The following CDKAL1 variants were observed in gnomAD, a reference collection of about 807,000 sequenced individuals.
CDKAL1 encodes the protein CDKAL1 threonylcarbamoyladenosine tRNA methylthiotransferase, also known as threonylcarbamoyladenosine tRNA methylthiotransferase.
Under a neutral mutation model 68.2 loss-of-function variants are expected in CDKAL1, and 32 were observed. The observed-to-expected ratio is 0.47, with a 90% CI of 0.35 to 0.63. The LOEUF (loss-of-function observed/expected upper bound fraction) is 0.63. Among genes scored for constraint, CDKAL1 ranks in the 30% least tolerant of loss-of-function variants. CDKAL1 has a pLI of 0.00. For synonymous variants in CDKAL1, 234 were observed against 244.3 expected (o/e 0.96, Z 0.39); for missense variants, 606 against 696.7 (o/e 0.87, Z 1.47).
chr6:21,125,408 C>G (rs897901474), intron 13 of CDKAL1, among the ~76,000 whole-genome samples: 5 of 152,162 alleles, frequency 3.3e-5, no homozygotes, highest in African/African-American at 1.2e-4. Flanking sequence ...CACAGTGGCT[C>G]ACACCTATAA....
intron 11 of CDKAL1, among the ~76,000 whole-genome samples, chr6:21,042,295 CCT>C (rs1769971770): frequency 1.3e-5 from 2 of 152,062 alleles, no homozygotes; most frequent in African/African-American, 4.8e-5. Flanking sequence ...ACCATTCACC[CCT>C]GTCTCTGCTT....
At chr6:20,680,199 T>G (rs1770312387) in intron 5 of CDKAL1, among the ~76,000 whole-genome samples, 1 of 152,142 alleles carries the variant, frequency 6.6e-6, no homozygotes, top group South Asian at 2.1e-4. Context: ...CCTGAATAGC[T>G]AGGATTACAG....
intron 12 of CDKAL1, among the ~76,000 whole-genome samples, chr6:21,089,947 G>A (rs1468888608): frequency 1.3e-5 from 2 of 152,240 alleles, no homozygotes; most frequent in Non-Finnish European, 2.9e-5. Flanking sequence ...CGTATGAGCT[G>A]AGATCATGGT....
At chr6:21,208,038 A>G (rs1779008368) in intron 15 of CDKAL1, among the ~76,000 whole-genome samples, 1 of 151,510 alleles carries the variant, frequency 6.6e-6, no homozygotes, top group African/African-American at 2.4e-5. Flanking sequence ...TTTAAAGAGA[A>G]TATTCTAGAA....
intron 10 of CDKAL1, among the ~76,000 whole-genome samples, chr6:20,981,526 A>G (rs1766145264): frequency 6.6e-6 from 1 of 152,142 alleles, no homozygotes; most frequent in Non-Finnish European, 1.5e-5. Flanking sequence ...GGCAATAGCA[A>G]TCATCTAAAC....
At chr6:20,696,809 C>A (rs1438158684) in intron 5 of CDKAL1, among the ~76,000 whole-genome samples, 1 of 152,124 alleles carries the variant, frequency 6.6e-6, no homozygotes, top group Admixed American at 6.6e-5. Context: ...CTGCTCATTT[C>A]TTTCCAGCTT....
chr6:21,159,797 C>A (rs1776823145), intron 13 of CDKAL1, among the ~76,000 whole-genome samples: 2 of 139,362 alleles, frequency 1.4e-5, no homozygotes, highest in South Asian at 2.4e-4. Context: ...CATAGGCTAG[C>A]CTTTTAAAAA....
intron 8 of CDKAL1, among the ~76,000 whole-genome samples, chr6:20,821,015 G>A (rs1380484710): frequency 6.6e-6 from 1 of 152,014 alleles, no homozygotes; most frequent in Non-Finnish European, 1.5e-5. Flanking sequence ...GGAAGTGAGG[G>A]AGAGAGCCAG....
intron 11 of CDKAL1, among the ~76,000 whole-genome samples, chr6:21,010,692 G>A (rs527900071): frequency 1.1e-4 from 17 of 152,246 alleles, no homozygotes; most frequent in South Asian, 4.1e-4. Flanking sequence ...CAGTAATATC[G>A]AAAAGGTGCC....
At chr6:21,057,405 CCT>C (rs981697529) in intron 11 of CDKAL1, among the ~76,000 whole-genome samples, 3 of 150,012 alleles carry the variant, frequency 2.0e-5, no homozygotes, top group Non-Finnish European at 4.4e-5. Flanking sequence ...ATTTGATTCT[CCT>C]CTCTTTTCTT....
At chr6:20,573,022 G>C (rs1422034284) in intron 4 of CDKAL1, among the ~76,000 whole-genome samples, 4 of 152,084 alleles carry the variant, frequency 2.6e-5, no homozygotes, top group African/African-American at 4.8e-5. Context: ...TGTAGTAATG[G>C]GGAAATTATA....
chr6:20,591,613 A>G (rs1765596931), intron 4 of CDKAL1, among the ~76,000 whole-genome samples: 1 of 152,132 alleles, frequency 6.6e-6, no homozygotes, highest in Non-Finnish European at 1.5e-5. Flanking sequence ...TCCCGACACC[A>G]TTTATTAAAT....
At chr6:20,542,645 T>C (rs78557916) in intron 2 of CDKAL1, among the ~76,000 whole-genome samples, 1,627 of 152,324 alleles carry the variant, frequency 0.011, 9 homozygotes, top group Non-Finnish European at 0.017. Flanking sequence ...GTAAAACTTA[T>C]GCAGAGATCC....
chr6:20,934,231 C>CT (rs1280173837), intron 9 of CDKAL1, among the ~76,000 whole-genome samples: 2 of 152,076 alleles, frequency 1.3e-5, no homozygotes, highest in African/African-American at 4.8e-5. Context: ...TTCATCTACT[C>CT]TAAGTGGAAG....
At position 20,999,201 on chromosome 6, in the gene CDKAL1, G is replaced by A. The variant is rs554062544; in HGVS notation, c.910-1026G>A. 3.3e-5 allele frequency among the ~76,000 whole-genome samples: 5 copies of A among 152,264 alleles called. No homozygotes were observed. The East Asian group carries it at 9.6e-4, about 29-fold the overall frequency. ...ATTCACTACTGGACTCTGAAAGGCC[G>A]TATGTGCCTGCTGTCTCTTTCTTTT... On this transcript the variant is annotated intron_variant, in intron 10 of 15. Coordinates refer to ENST00000274695, the MANE Select transcript of CDKAL1 (RefSeq NM_017774.3).
chr6:21,201,045 T>G, intron 14 of CDKAL1, 65 bp from the exon 15 acceptor site: 1 of 1,423,520 alleles, frequency 7.0e-7, no homozygotes, highest in Non-Finnish European at 9.7e-7. Context: ...TCTATAAATC[T>G]GAAACTGTTC....
At chr6:20,934,705 G>A (rs1309375980) in intron 9 of CDKAL1, among the ~76,000 whole-genome samples, 1 of 151,836 alleles carries the variant, frequency 6.6e-6, no homozygotes, top group African/African-American at 2.4e-5. Flanking sequence ...AAATTAGCTG[G>A]ACATAGTGGG....
intron 4 of CDKAL1, among the ~76,000 whole-genome samples, chr6:20,567,042 G>T (rs1323775234): frequency 6.6e-6 from 1 of 151,990 alleles, no homozygotes; most frequent in Non-Finnish European, 1.5e-5. Context: ...ATCTGAAAGT[G>T]TAATGTTCTT....
chr6:20,847,870 T>C (rs971532117), intron 9 of CDKAL1, among the ~76,000 whole-genome samples: 6 of 152,188 alleles, frequency 3.9e-5, no homozygotes, highest in South Asian at 4.1e-4. Flanking sequence ...AGCAGAGATT[T>C]ATTGAGAATG....
Sources: allele counts gnomAD v4.1 joint callset (sites outside exome capture counted in the v4.1 genomes callset), GRCh38; gene constraint gnomAD v4.1.1; transcripts MANE v1.5; gene names NCBI Gene and HGNC (gene_info 2026-07-23, HGNC 2026-07-21).